MYO9B: variants seen among roughly 807,000 people sequenced by gnomAD.
MYO9B encodes the protein myosin IXB, also known as unconventional myosin-IXb.
MYO9B carries 71 observed loss-of-function variants against 229.5 expected under a neutral mutation model. The observed-to-expected ratio is 0.31, with a 90% CI of 0.26 to 0.38. The LOEUF (loss-of-function observed/expected upper bound fraction) is 0.38. MYO9B is among the 10% of genes least tolerant of loss of function. MYO9B has a pLI of 1.00. For synonymous variants in MYO9B, 1,185 were observed against 1,235.8 expected (o/e 0.96, Z 0.86); for missense variants, 2,255 against 2,920.5 (o/e 0.77, Z 5.25).
At position 17,212,077 on chromosome 19, in the gene MYO9B, C is replaced by T; in HGVS notation, c.6241C>T (p.Pro2081Ser). ...CCCACCAGGCCTGCCCTCCCACCTG[C>T]CTCGCTGGGCACCGGGTGCCCGGGA... ...KLPPGLPSHL[P>S]RWAPGAREAA... is the part of the protein sequence containing the mutation. Residue 2081 changes from proline (P) to serine (S), a missense_variant, in exon 40 of 40, where the codon CCT (proline) becomes TCT (serine). Pro to Ser is a moderately conservative substitution (Grantham distance 74). This residue lies in a region of MYO9B where 331 missense variants were observed against 332.5 expected (regional missense o/e 1.00). Coordinates refer to ENST00000682292, the MANE Select transcript of MYO9B (RefSeq NM_004145.4). The surrounding 1 kb of genome is among the most constrained non-coding windows in gnomAD (Gnocchi z 5.4). 1 of 1,596,578 alleles carries T rather than the reference C, an allele frequency of 6.3e-7. No individual in the cohort carries two copies. Among genetic ancestry groups the T allele is most frequent in the Non-Finnish European group, 8.5e-7 (1 of 1,173,338 alleles).
chr19:17,146,873 G>A (rs1250890008), intron 3 of MYO9B, among the ~76,000 whole-genome samples: 1 of 152,200 alleles, frequency 6.6e-6, no homozygotes, highest in Non-Finnish European at 1.5e-5. Context: ...AATGGGATTT[G>A]TAAAGGTCCC....
chr19:17,185,021 C>A, intron 17 of MYO9B, 34 bp downstream of exon 17: 2 of 1,613,214 alleles, frequency 1.2e-6, no homozygotes, highest in South Asian at 2.2e-5. Flanking sequence ...AGGTGGCGGT[C>A]AGCTCAGCCT....
chr19:17,212,200 G>C lies in MYO9B; in HGVS notation c.6364G>C (p.Gly2122Arg), dbSNP rs868781513. 1.9e-6 allele frequency: 3 copies of C among 1,582,458 alleles called. No homozygotes were observed. Among genetic ancestry groups the C allele is most frequent in the Admixed American group, 1.8e-5 (1 of 55,162 alleles). ...ITPGADLPVQ[G>R]ALEPLEEDGQ... ...GCCCGGGGCAGACCTGCCAGTGCAG[G>C]GCGCCCTGGAGCCCCTAGAAGAGGA... The change falls in exon 40 of 40, where the codon GGC becomes CGC. Residue 2122 changes from glycine (G) to arginine (R), a missense_variant. Coordinates refer to ENST00000682292, the MANE Select transcript of MYO9B (RefSeq NM_004145.4). This position sits in a 1 kb window ranked among gnomAD's most constrained non-coding sequence, Gnocchi z 5.4.
At chr19:17,188,104 C>T in intron 19 of MYO9B, 59 bp downstream of exon 19, 4 of 1,430,052 alleles carry the variant, frequency 2.8e-6, no homozygotes, top group Non-Finnish European at 3.8e-6. Context: ...CAATCACCCT[C>T]TTCCAAAGAG....
At chr19:17,109,025 T>TAA (rs1261451483) in intron 2 of MYO9B, among the ~76,000 whole-genome samples, 181 of 146,570 alleles carry the variant, frequency 1.2e-3, no homozygotes, top group African/African-American at 4.2e-3. Flanking sequence ...AAGAATCTTT[T>TAA]TTTTAATTTT....
chr19:17,081,148 C>T (rs906553937), intron 1 of MYO9B, among the ~76,000 whole-genome samples: 2 of 152,132 alleles, frequency 1.3e-5, no homozygotes, highest in Non-Finnish European at 2.9e-5. Context: ...CTGCCTCAGC[C>T]TCCCGAGTAG....
At chr19:17,182,335 G>C (rs544000981) in intron 15 of MYO9B, among the ~76,000 whole-genome samples, 1 of 152,172 alleles carries the variant, frequency 6.6e-6, no homozygotes, top group Admixed American at 6.6e-5. Flanking sequence ...CGATCTTCCT[G>C]CCTCAGCCTC....
In MYO9B at chr19:17,208,353, A is replaced by AAAAGAAACT; in HGVS notation, c.5624+1110_5624+1111insAAGAAACTA. 6.4e-5 allele frequency among the ~76,000 whole-genome samples: 8 copies of AAAAGAAACT among 124,616 alleles called. 3 individuals carry two copies. The highest frequency in any genetic ancestry group is 8.8e-3 in the Middle Eastern group (2 of 228). The allele number at this position is 124,616 out of a possible 152,430, so 81.8% of individuals were successfully genotyped here. A position where few individuals can be genotyped will look rare whatever the true frequency, so the allele number is the denominator to read the frequency against. On this transcript the variant is annotated intron_variant, in intron 35 of 39. Coordinates refer to ENST00000682292, the MANE Select transcript of MYO9B (RefSeq NM_004145.4). The stretch of plus-strand genomic sequence containing the variant: ...GACTCCGTCTCAAAAAAAAAAAAAA[A>AAAAGAAACT]ATCCAGATGGCAGTGGCCCCAGCAG...
intron 2 of MYO9B, among the ~76,000 whole-genome samples, chr19:17,103,970 C>A (rs776544511): frequency 5.9e-5 from 9 of 151,310 alleles, no homozygotes; most frequent in Non-Finnish European, 1.0e-4. Context: ...GCAGGAGAAT[C>A]GCTTGAACCC....
At position 17,152,650 on chromosome 19, in the gene MYO9B, C is replaced by T. The variant is rs571786593; in HGVS notation, c.942C>T (p.Val314=). The change falls in exon 4 of 40, where the codon GTC becomes GTT. Residue 314 remains valine, a synonymous_variant. Transcript: ENST00000682292. ...GTTTTTCTCTTAATGACAGAGCTGT[C>T]GTCGAGAAATATCTGCTTGAAAAGT... is the stretch of plus-strand genomic sequence containing the variant. The part of the protein sequence containing the change: ...YLESGIVRGA[V]VEKYLLEKSR... 28 of 1,612,292 alleles carry T rather than the reference C, an allele frequency of 1.7e-5. No individual in the cohort carries two copies. The Admixed American group carries it at 2.8e-4, about 16-fold the overall frequency.
Position 17,200,648 on chromosome 19 carries a change from G to A in MYO9B, c.4382G>A (p.Gly1461Glu). The A allele has an allele frequency of 6.2e-7, 1 of 1,613,060 alleles. No individual in the cohort carries two copies. The highest frequency in any genetic ancestry group is 8.5e-7 in the Non-Finnish European group (1 of 1,179,444). Residue 1461 changes from glycine to glutamate, a missense_variant, in exon 26 of 40, where the codon GGA becomes GAA. Physicochemically the swap from Gly to Glu is moderately conservative, Grantham distance 98. Around this residue, in one of 7 missense-constraint regions of MYO9B, gnomAD observed 679 missense variants for 770.2 expected, o/e 0.88. Coordinates refer to ENST00000682292, the MANE Select transcript of MYO9B (RefSeq NM_004145.4). ...TMKKGLEAPS[G>E]QQHRHAAGEK... ...TCCTGTCCCCCCTCAGCCCCCTCCG[G>A]ACAGCAGCATCGCCACGCTGCAGGT...
chr19:17,169,814 T>TCC (rs2072702774), intron 11 of MYO9B, among the ~76,000 whole-genome samples: 1 of 141,060 alleles, frequency 7.1e-6, no homozygotes, highest in African/African-American at 2.7e-5. Flanking sequence ...TTTTTTTTTT[T>TCC]TTTTTTTTTT....
chr19:17,210,786 C>T lies in MYO9B; in HGVS notation c.5868C>T (p.Gly1956=), dbSNP rs757435960. 11 of 1,586,764 alleles carry T rather than the reference C, an allele frequency of 6.9e-6. No individual in the cohort carries two copies. The highest frequency in any genetic ancestry group is 5.7e-5 in the South Asian group (5 of 86,990). Residue 1956 remains glycine, a synonymous_variant, in exon 38 of 40, where the codon GGC becomes GGT. Coordinates refer to ENST00000682292, the MANE Select transcript of MYO9B (RefSeq NM_004145.4). ...TGCTGCTGGAGGAGGAGGCAGCCGG[C>T]GGCGATGAGGACCGGGAAAAGGAGA... ...LEVLLEEEAA[G]GDEDREKEIL...
intron 38 of MYO9B, 75 bp downstream of exon 38, chr19:17,210,923 C>T: frequency 1.3e-6 from 2 of 1,534,432 alleles, no homozygotes; most frequent in African/African-American, 1.4e-5. Flanking sequence ...CCCTGGTGGT[C>T]CGCTTGACCT....
At chr19:17,095,971 A>C (rs1455378595) in intron 1 of MYO9B, 1 of 151,896 alleles carries the variant, frequency 6.6e-6, no homozygotes, top group Non-Finnish European at 1.5e-5. Flanking sequence ...AAGGGGTTTC[A>C]CCGTGTTAGC....
chr19:17,167,817 A>C (rs1002562333), intron 10 of MYO9B, 126 bp from the exon 11 acceptor site: 8 of 1,278,926 alleles, frequency 6.3e-6, no homozygotes, highest in African/African-American at 1.5e-5. Context: ...CAGTTTAAAA[A>C]GTTTCCTATT....
intron 33 of MYO9B, 146 bp from the exon 34 acceptor site, chr19:17,206,533 G>A: frequency 3.1e-6 from 4 of 1,310,924 alleles, no homozygotes; most frequent in Non-Finnish European, 4.1e-6. Flanking sequence ...AGTTTGGGGT[G>A]GGGCCAGGAC....
chr19:17,194,598 G>A lies in MYO9B; in HGVS notation c.3171G>A (p.Lys1057=). ...CGGAGAAGCAGAAGGCAGAAGAGAA[G>A]GAGAGGGAAGCCCTGGAAGCCGCAA... ...MISEKQKAEE[K]EREALEAARA... is the part of the protein sequence containing the mutation. The change falls in exon 22 of 40, where the codon AAG becomes AAA. Residue 1057 remains lysine, a synonymous_variant. Transcript: ENST00000682292. The A allele has an allele frequency of 6.2e-7, 1 of 1,612,888 alleles. No individual in the cohort carries two copies. Among genetic ancestry groups the A allele is most frequent in the Non-Finnish European group, 8.5e-7 (1 of 1,179,886 alleles).
intron 24 of MYO9B, 111 bp downstream of exon 24, chr19:17,198,419 C>T (rs1343863137): frequency 5.1e-5 from 74 of 1,437,098 alleles, no homozygotes; most frequent in Non-Finnish European, 6.5e-5. Flanking sequence ...AAAGCACGTT[C>T]GCAAAGGCAT....
Sources: gnomAD v4.1 joint callset for allele counts (sites outside exome capture counted in the v4.1 genomes callset) on GRCh38, gnomAD v4.1.1 for gene constraint, gnomAD v4.1.1 regional missense constraint, Gnocchi (gnomAD v3.1) non-coding constraint, MANE v1.5 for transcripts, NCBI Gene and HGNC (gene_info 2026-07-23, HGNC 2026-07-21) for gene names.